Variants in CDK14 observed in about 807,000 individuals in gnomAD.
The protein encoded by CDK14 is cyclin-dependent kinase 14.
CDK14 carries 34 observed loss-of-function variants against 60.7 expected under a neutral mutation model. The observed-to-expected ratio is 0.56, with a 90% CI of 0.43 to 0.75. The LOEUF is 0.75. Ranked by LOEUF, CDK14 falls within the 30% of genes least tolerant of loss-of-function variation. The pLI is 0.00. For synonymous variants in CDK14, 197 were observed against 203.7 expected (o/e 0.97, Z 0.28); for missense variants, 482 against 564.1 (o/e 0.85, Z 1.47).
At chr7:90,932,470 C>T (rs1793622864) in intron 8 of CDK14, among the ~76,000 whole-genome samples, 1 of 152,168 alleles carries the variant, frequency 6.6e-6, no homozygotes, top group Non-Finnish European at 1.5e-5. Context: ...TCCCATCTCC[C>T]CCCAGCCAGT....
intron 5 of CDK14, among the ~76,000 whole-genome samples, chr7:90,840,239 C>T (rs1790246009): frequency 6.6e-6 from 1 of 152,186 alleles, no homozygotes; most frequent in Non-Finnish European, 1.5e-5. Context: ...GTGAAAAAGA[C>T]TGCGGTGTGT....
intron 14 of CDK14, among the ~76,000 whole-genome samples, chr7:91,184,203 T>G (rs943752627): frequency 2.1e-3 from 4 of 1,898 alleles, no homozygotes; most frequent in Non-Finnish European, 4.1e-3. Flanking sequence ...AGGCTCCGTC[T>G]TAAAAAAAAA....
chr7:91,062,280 T>C (rs1405752225), intron 11 of CDK14, among the ~76,000 whole-genome samples: 1 of 152,132 alleles, frequency 6.6e-6, no homozygotes, highest in Non-Finnish European at 1.5e-5. Flanking sequence ...ATGACCTGAT[T>C]TTCCAGGTGC....
intron 6 of CDK14, among the ~76,000 whole-genome samples, chr7:90,895,364 T>TCCTCTCCTCCCCTCC (rs1792274862): frequency 1.3e-4 from 1 of 7,472 alleles, no homozygotes; most frequent in African/African-American, 4.2e-4. Context: ...TCCTCACCTC[T>TCCTCTCCTCCCCTCC]CCTCCCCTCC....
intron 2 of CDK14, among the ~76,000 whole-genome samples, chr7:90,706,869 T>C (rs1236522160): frequency 6.6e-6 from 1 of 152,168 alleles, no homozygotes; most frequent in African/African-American, 2.4e-5. Flanking sequence ...AGTCAGTGAC[T>C]GATCAGCCCA....
At chr7:90,984,065 G>T in intron 9 of CDK14, 83 bp from the exon 10 acceptor site, 1 of 861,282 alleles carries the variant, frequency 1.2e-6, no homozygotes, top group Non-Finnish European at 2.0e-6. Context: ...CTCTTCTGTA[G>T]GAGTGGATAT....
intron 2 of CDK14, among the ~76,000 whole-genome samples, chr7:90,626,889 T>C (rs922094785): frequency 3.3e-5 from 5 of 150,674 alleles, no homozygotes; most frequent in African/African-American, 1.2e-4. Context: ...CAGTGAGCTC[T>C]GATTGCACCA....
chr7:91,059,308 A>G (rs564178496), intron 11 of CDK14, among the ~76,000 whole-genome samples: 1 of 152,116 alleles, frequency 6.6e-6, no homozygotes, highest in East Asian at 1.9e-4. Flanking sequence ...CTTCTTTATT[A>G]GTCTTGCTAG....
chr7:91,167,065 C>A (rs1412468990), intron 14 of CDK14, among the ~76,000 whole-genome samples: 2 of 151,702 alleles, frequency 1.3e-5, no homozygotes, highest in African/African-American at 4.8e-5. Flanking sequence ...TATTTTAAAT[C>A]CCCCTAAAAG....
intron 9 of CDK14, among the ~76,000 whole-genome samples, chr7:90,973,922 C>G (rs1001986110): frequency 3.9e-5 from 6 of 152,022 alleles, no homozygotes; most frequent in Non-Finnish European, 1.5e-5. Context: ...AGCAGACAAC[C>G]GGTCTGACTA....
intron 11 of CDK14, among the ~76,000 whole-genome samples, chr7:91,057,023 C>CA (rs1797594989): frequency 6.6e-6 from 1 of 152,062 alleles, no homozygotes; most frequent in Non-Finnish European, 1.5e-5. Flanking sequence ...ACAGTCCCAC[C>CA]AACAGTGTAA....
intron 12 of CDK14, among the ~76,000 whole-genome samples, chr7:91,110,660 GTTTGGGCGATTAATAATATTCCTTT>G (rs1799444842): frequency 6.6e-6 from 1 of 152,146 alleles, no homozygotes; most frequent in South Asian, 2.1e-4. Context: ...ACAACATACA[GTTTGGGCGATTAATAATATTCCTTT>G]TTTTCTTTTA....
At chr7:90,744,126 G>A (rs550264246) in intron 3 of CDK14, among the ~76,000 whole-genome samples, 2 of 152,286 alleles carry the variant, frequency 1.3e-5, no homozygotes, top group Non-Finnish European at 2.9e-5. Context: ...GTGAACAAAG[G>A]TCTCTGGTTT....
intron 2 of CDK14, among the ~76,000 whole-genome samples, chr7:90,656,952 C>T (rs1320494468): frequency 6.6e-6 from 1 of 152,116 alleles, no homozygotes; most frequent in Non-Finnish European, 1.5e-5. Context: ...CATCTCACTG[C>T]CTTTTGAGAT....
chr7:90,810,165 A>C (rs1299156808), intron 5 of CDK14, among the ~76,000 whole-genome samples: 3 of 152,208 alleles, frequency 2.0e-5, no homozygotes, highest in Non-Finnish European at 4.4e-5. Flanking sequence ...GAGACACAAC[A>C]AAAAAAGAGA....
At chr7:90,977,964 G>T (rs1418799447) in intron 9 of CDK14, among the ~76,000 whole-genome samples, 1 of 152,064 alleles carries the variant, frequency 6.6e-6, no homozygotes, top group Admixed American at 6.6e-5. Flanking sequence ...GTTATAAAGG[G>T]GACAAACTAG....
intron 10 of CDK14, among the ~76,000 whole-genome samples, chr7:91,009,237 A>G (rs1796083121): frequency 1.3e-5 from 2 of 152,076 alleles, no homozygotes; most frequent in South Asian, 4.1e-4. Flanking sequence ...ATGCCATTGT[A>G]TAGATATTTC....
At chr7:91,060,340 T>A (rs1797740314) in intron 11 of CDK14, among the ~76,000 whole-genome samples, 1 of 152,148 alleles carries the variant, frequency 6.6e-6, no homozygotes, top group Non-Finnish European at 1.5e-5. Flanking sequence ...CTAATGGGTC[T>A]TGACTCTTTA....
chr7:90,651,002 T>C (rs1465452190), intron 2 of CDK14, among the ~76,000 whole-genome samples: 1 of 152,210 alleles, frequency 6.6e-6, no homozygotes, highest in East Asian at 1.9e-4. Flanking sequence ...AGAAAGTCTT[T>C]GGTAGCTTGA....
Sources: gnomAD v4.1 joint callset for allele counts (sites outside exome capture counted in the v4.1 genomes callset) on GRCh38, gnomAD v4.1.1 for gene constraint, MANE v1.5 for transcripts, NCBI Gene and HGNC (gene_info 2026-07-23, HGNC 2026-07-21) for gene names.